CDH4: variants seen among roughly 807,000 people sequenced by gnomAD.
The protein encoded by CDH4 is cadherin 4, also known as cadherin-4.
Under a neutral mutation model 86.0 loss-of-function variants are expected in CDH4, and 33 were observed. The observed-to-expected ratio is 0.38, with a 90% CI of 0.29 to 0.51. The LOEUF is 0.51. CDH4 is among the 20% of genes least tolerant of loss of function. CDH4 has a pLI of 0.86. For synonymous variants in CDH4, 555 were observed against 549.4 expected, an observed-to-expected ratio of 1.01 and a Z score of -0.14; for missense variants, 1,114 against 1,307.4, an observed-to-expected ratio of 0.85 and a Z score of 2.28.
At chr20:61,726,711 C>T (rs1271712366) in intron 2 of CDH4, among the ~76,000 whole-genome samples, 15 of 151,978 alleles carry the variant, frequency 9.9e-5, no homozygotes, top group Admixed American at 9.8e-4. Context: ...GTGCTATCAT[C>T]ATCACCATCG....
At chr20:61,625,726 A>T (rs920958797) in intron 2 of CDH4, among the ~76,000 whole-genome samples, 2 of 152,228 alleles carry the variant, frequency 1.3e-5, no homozygotes, top group Non-Finnish European at 2.9e-5. Flanking sequence ...ATGTCGTAAC[A>T]GACCCAAGAG....
chr20:61,785,661 C>A (rs1394496210), intron 4 of CDH4, among the ~76,000 whole-genome samples: 2 of 150,336 alleles, frequency 1.3e-5, no homozygotes, highest in African/African-American at 4.9e-5. Context: ...TGTAGAGCCC[C>A]CACCCAGGTG....
chr20:61,591,995 C>G (rs1182976843), intron 2 of CDH4, among the ~76,000 whole-genome samples: 1 of 152,198 alleles, frequency 6.6e-6, no homozygotes, highest in Non-Finnish European at 1.5e-5. Flanking sequence ...AAGCAACAGA[C>G]TGACGCGTTC....
rs1341749572 is a variant in CDH4, at chr20:61,510,152, C to G, written c.170-233411C>G. On this transcript the variant is annotated intron_variant, in intron 2 of 15. Transcript: ENST00000614565. The surrounding 1 kb of genome is among the most constrained non-coding windows in gnomAD (Gnocchi z 4.2). ...ATTTAAAGTTGTTTGAAAATCTGAT[C>G]AGAAAGAGCTTCAACCCGGAAATTT... Among the ~76,000 whole-genome samples, 1 of 152,164 alleles carries G rather than the reference C, an allele frequency of 6.6e-6. No individual in the cohort carries two copies. The highest frequency in any genetic ancestry group is 2.4e-5 in the African/African-American group (1 of 41,436).
At position 61,429,755 on chromosome 20, in the gene CDH4, G is replaced by GTGGATGGATGGATGGA. The variant is rs111226650; in HGVS notation, c.169+174834_169+174849dup. Among the ~76,000 whole-genome samples, 1,403 of 141,288 alleles carry GTGGATGGATGGATGGA rather than the reference G, an allele frequency of 9.9e-3. 23 individuals are homozygous for GTGGATGGATGGATGGA. The highest frequency in any genetic ancestry group is 0.029 in the African/African-American group (1,116 of 38,730). The allele number at this position is 141,288 out of a possible 152,430, so 92.7% of individuals were successfully genotyped here. ...AATAGATGGATGGATGGATAGGTGT[G>GTGGATGGATGGATGGA]TGGATGGATGGATGGATGGATGGAT... On this transcript the variant is annotated intron_variant, in intron 2 of 15. Transcript: ENST00000614565.
Position 61,411,104 on chromosome 20 carries a change from A to G in CDH4, c.169+156167A>G, listed in dbSNP as rs185844126. Among the ~76,000 whole-genome samples, 40 of 146,418 alleles carry G rather than the reference A, an allele frequency of 2.7e-4. No homozygotes were observed. In the East Asian group the frequency reaches 7.3e-3, roughly 27 times the overall value. On this transcript the variant is annotated intron_variant, in intron 2 of 15. Coordinates refer to ENST00000614565, the MANE Select transcript of CDH4 (RefSeq NM_001794.5). ...TATCATTTCATCTATTCTTCCAGTCATTCATCCGTCTTTCCTTCCATCCAT... is the reference window on the plus strand; with the variant it reads ...TATCATTTCATCTATTCTTCCAGTCGTTCATCCGTCTTTCCTTCCATCCAT...
intron 2 of CDH4, among the ~76,000 whole-genome samples, chr20:61,314,360 G>C (rs1035471423): frequency 6.6e-6 from 1 of 152,170 alleles, no homozygotes; most frequent in Non-Finnish European, 1.5e-5. Flanking sequence ...AAGTGAGATC[G>C]TGCAGTATCT....
rs74461848 is a variant in CDH4 at position 61,289,339 on chromosome 20, G to C, written c.169+34402G>C. Among the ~76,000 whole-genome samples, 185 of 152,342 alleles carry C rather than the reference G, an allele frequency of 1.2e-3. 1 individual carries two copies. Among genetic ancestry groups the C allele is most frequent in the African/African-American group, 4.2e-3 (176 of 41,584 alleles). ...AGCCCAGAGTCCCACATCTGAGCCAGGATCTGACCCAGGGTCATTTGGCCC... is the reference window on the plus strand; with the variant it reads ...AGCCCAGAGTCCCACATCTGAGCCACGATCTGACCCAGGGTCATTTGGCCC... On this transcript the variant is annotated intron_variant, in intron 2 of 15. Transcript: ENST00000614565.
intron 2 of CDH4, among the ~76,000 whole-genome samples, chr20:61,487,272 C>T (rs914862308): frequency 1.3e-5 from 2 of 151,968 alleles, no homozygotes; most frequent in African/African-American, 4.8e-5. Flanking sequence ...GTCTGTTCTG[C>T]GGGGGAAGGG....
In CDH4 at chr20:61,659,897, T is replaced by C. The variant is rs143152347; in HGVS notation, c.170-83666T>C. Among the ~76,000 whole-genome samples, 867 of 152,310 alleles carry C rather than the reference T, an allele frequency of 5.7e-3. 15 individuals are homozygous for C. The highest frequency in any genetic ancestry group is 0.02 in the African/African-American group (834 of 41,566). On this transcript the variant is annotated intron_variant, in intron 2 of 15. Coordinates refer to ENST00000614565, the MANE Select transcript of CDH4 (RefSeq NM_001794.5). ...AAAGGAAGCAGCTCCACCTTCTCCT[T>C]TGGCTTCCTCAGTCTGTCCCCACCG... is the stretch of plus-strand genomic sequence containing the variant.
chr20:61,551,486 T>A (rs944610706), intron 2 of CDH4, among the ~76,000 whole-genome samples: 2 of 152,194 alleles, frequency 1.3e-5, no homozygotes, highest in Non-Finnish European at 2.9e-5. Flanking sequence ...ATCTCTCTCA[T>A]TCAATTGCCC....
chr20:61,771,155 C>CA (rs777784299), intron 3 of CDH4, among the ~76,000 whole-genome samples: 1 of 151,450 alleles, frequency 6.6e-6, no homozygotes. Flanking sequence ...GGACTACAGG[C>CA]ATGTGCCACC....
chr20:61,815,739 C>G (rs1045135600), intron 4 of CDH4, among the ~76,000 whole-genome samples: 11 of 152,180 alleles, frequency 7.2e-5, no homozygotes, highest in African/African-American at 2.2e-4. Flanking sequence ...TAAAATAAAC[C>G]AAAGGAACAC....
At chr20:61,798,329 G>A (rs1447791887) in intron 4 of CDH4, among the ~76,000 whole-genome samples, 3 of 152,192 alleles carry the variant, frequency 2.0e-5, no homozygotes, top group Non-Finnish European at 2.9e-5. Context: ...CTGCGCCTCA[G>A]CCTCTCCCTG....
In CDH4 at chr20:61,436,011, A is replaced by G. The variant is rs556463541; in HGVS notation, c.169+181074A>G. On this transcript the variant is annotated intron_variant, in intron 2 of 15. Coordinates refer to ENST00000614565, the MANE Select transcript of CDH4 (RefSeq NM_001794.5). ...ACACTTGCCTTCTCCCAGCCCCACCACAGGACCTTTGCACATGCTCTTCCT... is the reference window on the plus strand; with the variant it reads ...ACACTTGCCTTCTCCCAGCCCCACCGCAGGACCTTTGCACATGCTCTTCCT... 2.0e-5 allele frequency among the ~76,000 whole-genome samples: 3 copies of G among 151,970 alleles called. No individual in the cohort carries two copies. The East Asian group carries it at 5.8e-4, about 30-fold the overall frequency.
At chr20:61,672,413 C>G (rs191248791) in intron 2 of CDH4, among the ~76,000 whole-genome samples, 1 of 152,144 alleles carries the variant, frequency 6.6e-6, no homozygotes, top group African/African-American at 2.4e-5. Context: ...TTATGCAAAG[C>G]CCAGTCCATC....
intron 6 of CDH4, among the ~76,000 whole-genome samples, chr20:61,860,777 C>T (rs562395084): frequency 2.1e-4 from 32 of 152,312 alleles, no homozygotes; most frequent in Admixed American, 1.5e-3. Context: ...TTCCCCCTCC[C>T]GTCTAGAGTA....
chr20:61,377,076 C>T lies in CDH4; in HGVS notation c.169+122139C>T, dbSNP rs139968574. Among the ~76,000 whole-genome samples the T allele has an allele frequency of 9.7e-4, 147 of 152,284 alleles. 2 individuals are homozygous for T. The East Asian group carries it at 0.02, about 20-fold the overall frequency. Reference sequence around the variant, plus strand: ...TGCACCCACCACCAACACGTGAGGGCGGCTGCTGTCCTTCAAGTCTGCGTT... The same window carrying T: ...TGCACCCACCACCAACACGTGAGGGTGGCTGCTGTCCTTCAAGTCTGCGTT... On this transcript the variant is annotated intron_variant, in intron 2 of 15. Transcript: ENST00000614565. This position sits in a 1 kb window ranked among gnomAD's most constrained non-coding sequence, Gnocchi z 4.0.
chr20:61,737,802 G>A lies in CDH4; in HGVS notation c.170-5761G>A, dbSNP rs114444450. On this transcript the variant is annotated intron_variant, in intron 2 of 15. Coordinates refer to ENST00000614565, the MANE Select transcript of CDH4 (RefSeq NM_001794.5). Reference sequence around the variant, plus strand: ...ACATGCTACCTTTGTCCCCCTCCCCGAGTCCCTGCCATCACTCCCATTTCA... The same window carrying A: ...ACATGCTACCTTTGTCCCCCTCCCCAAGTCCCTGCCATCACTCCCATTTCA... 8.5e-3 allele frequency among the ~76,000 whole-genome samples: 1,288 copies of A among 152,200 alleles called. 16 individuals carry two copies. The highest frequency in any genetic ancestry group is 0.03 in the African/African-American group (1,226 of 41,536).
Sources: gnomAD v4.1 joint callset for allele counts (sites outside exome capture counted in the v4.1 genomes callset) on GRCh38, gnomAD v4.1.1 for gene constraint, Gnocchi (gnomAD v3.1) non-coding constraint, MANE v1.5 for transcripts, NCBI Gene and HGNC (gene_info 2026-07-23, HGNC 2026-07-21) for gene names.